COL12A1: variants seen among roughly 807,000 people sequenced by gnomAD.
The protein encoded by COL12A1 is collagen type XII alpha 1 chain, also known as collagen alpha-1(XII) chain.
Under a neutral mutation model 349.7 loss-of-function variants are expected in COL12A1, and 114 were observed. That is an observed-to-expected ratio of 0.33 (90% CI 0.28 to 0.38). COL12A1 has a LOEUF of 0.38. COL12A1 is among the 10% of genes least tolerant of loss of function. The pLI is 1.00. For synonymous variants in COL12A1, 1,369 were observed against 1,329.0 expected (o/e 1.03, Z -0.66); for missense variants, 3,284 against 3,756.9 (o/e 0.87, Z 3.29).
chr6:75,143,308 C>T lies in COL12A1; in HGVS notation c.4771G>A (p.Gly1591Arg). 6.2e-7 allele frequency: 1 copy of T among 1,613,852 alleles called. No individual in the cohort carries two copies. Among genetic ancestry groups the T allele is most frequent in the Admixed American group, 1.7e-5 (1 of 59,988 alleles). The change falls in exon 26 of 66, where the codon GGA (glycine) becomes AGA (arginine). Residue 1591 changes from glycine to arginine, a missense_variant. Physicochemically the swap from Gly to Arg is moderately radical, Grantham distance 125 (BLOSUM62 -2). Coordinates refer to ENST00000322507, the MANE Select transcript of COL12A1 (RefSeq NM_004370.6). ...TMNVFWEPVP[G>R]KVRKYIVRYK... Reference sequence around the variant, plus strand: ...CGAACAATATATTTACGCACTTTTCCAGGCACAGGTTCCCAAAAGACATTC... The same window carrying T: ...CGAACAATATATTTACGCACTTTTCTAGGCACAGGTTCCCAAAAGACATTC...
intron 53 of COL12A1, among the ~76,000 whole-genome samples, chr6:75,105,940 T>A (rs1184313365): frequency 6.6e-6 from 1 of 152,208 alleles, no homozygotes; most frequent in Non-Finnish European, 1.5e-5. Context: ...TGGATGTATG[T>A]GGGTCTTTGC....
At chr6:75,086,581 T>C (rs1562081657) in intron 65 of COL12A1, 24 bp from the exon 66 acceptor site, 4 of 1,590,612 alleles carry the variant, frequency 2.5e-6, no homozygotes, top group Non-Finnish European at 2.6e-6. Context: ...AAGATGATAG[T>C]TTTTAAAAGT....
In COL12A1 at chr6:75,181,094, G is replaced by C. The variant is rs774882851; in HGVS notation, c.2009C>G (p.Ala670Gly). The change falls in exon 11 of 66, where the codon GCT becomes GGT. Residue 670 changes from alanine (A) to glycine (G), a missense_variant. By Grantham distance (60) the Ala-to-Gly change is moderately conservative (BLOSUM62 0). This residue lies in a region of COL12A1 where 2,601 missense variants were observed against 2,824.8 expected (regional missense o/e 0.92). Transcript: ENST00000322507. ...FSYHITYKEA[A>G]GDDEVTVVEP... is the part of the protein sequence containing the mutation. ...CACCACAGTGACCTCATCATCCCCA[G>C]CCGCTTCCTTGTAGGTGATGTGATA... 14 of 1,613,744 alleles carry C rather than the reference G, an allele frequency of 8.7e-6. No individual in the cohort carries two copies. The African/African-American group carries it at 1.3e-4, about 15-fold the overall frequency.
chr6:75,153,998 A>G (rs1169245943), intron 17 of COL12A1, among the ~76,000 whole-genome samples: 1 of 152,062 alleles, frequency 6.6e-6, no homozygotes, highest in Non-Finnish European at 1.5e-5. Flanking sequence ...AACTCTTTAA[A>G]TAATAGAGCT....
Position 75,091,699 on chromosome 6 carries a change from ATCTCTCTCTCTCTCTCTCTT to A in COL12A1, c.8650-194_8650-175del, listed in dbSNP as rs1242868873. Among the ~76,000 whole-genome samples, 4 of 149,750 alleles carry A rather than the reference ATCTCTCTCTCTCTCTCTCTT, an allele frequency of 2.7e-5. No individual in the cohort carries two copies. In the South Asian group the frequency reaches 8.5e-4, roughly 32 times the overall value. On this transcript the variant is annotated intron_variant, in intron 60 of 65. Transcript: ENST00000322507. ...CTGCTTTTCTATAAAAAGGAATCTA[ATCTCTCTCTCTCTCTCTCTT>A]TCTCTCTCTCTCTCTGAAGCACATG...
chr6:75,189,145 C>CT, intron 7 of COL12A1, 72 bp downstream of exon 7: 1 of 1,481,136 alleles, frequency 6.8e-7, no homozygotes, highest in Middle Eastern at 1.8e-4. Flanking sequence ...AGGAATCAAT[C>CT]TTTCATCTTC....
chr6:75,169,041 G>T (rs774073776), intron 13 of COL12A1, among the ~76,000 whole-genome samples: 12 of 152,124 alleles, frequency 7.9e-5, no homozygotes, highest in Non-Finnish European at 1.6e-4. Flanking sequence ...GACACATGTG[G>T]GATGTTCACT....
chr6:75,167,481 G>A (rs1199352420), intron 13 of COL12A1, among the ~76,000 whole-genome samples: 1 of 152,168 alleles, frequency 6.6e-6, no homozygotes, highest in Non-Finnish European at 1.5e-5. Context: ...TAACTAGAAT[G>A]TGGAAATTAT....
At chr6:75,202,541 T>C (rs1027701529) in intron 2 of COL12A1, among the ~76,000 whole-genome samples, 179 bp downstream of exon 2, 2 of 152,158 alleles carry the variant, frequency 1.3e-5, no homozygotes, top group African/African-American at 4.8e-5. Context: ...GAGCTGGACC[T>C]GAGAGCTGGG....
chr6:75,091,257 A>G (rs532425473), intron 62 of COL12A1, 66 bp downstream of exon 62: 4 of 1,370,382 alleles, frequency 2.9e-6, no homozygotes, highest in African/African-American at 2.9e-5. Context: ...TTCATGACTC[A>G]AACTCTGCAT....
intron 2 of COL12A1, among the ~76,000 whole-genome samples, chr6:75,202,505 C>T (rs1298599666): frequency 6.6e-6 from 1 of 152,074 alleles, no homozygotes; most frequent in Non-Finnish European, 1.5e-5. Context: ...CAGCACTGTA[C>T]GGAATGCATT....
rs1769747613 is a variant in COL12A1 at position 75,188,457 on chromosome 6, T to C, written c.902A>G (p.Asn301Ser). 3.1e-6 allele frequency: 5 copies of C among 1,613,616 alleles called. No individual in the cohort carries two copies. Among genetic ancestry groups the C allele is most frequent in the Non-Finnish European group, 4.2e-6 (5 of 1,179,666 alleles). The change falls in exon 8 of 66, where the codon AAC becomes AGC. Residue 301 changes from asparagine to serine, a missense_variant. Around this residue, in one of 2 missense-constraint regions of COL12A1, gnomAD observed 2,601 missense variants for 2,824.8 expected, o/e 0.92. Transcript: ENST00000322507. ...CTGAATATCCACAATTGCATCAAAG[T>C]TGGCCACATTGAAAACATGGTTCAG... ...PSLNHVFNVA[N>S]FDAIVDIQNE...
Position 75,154,518 on chromosome 6 carries a change from C to A in COL12A1, c.3463G>T (p.Val1155Leu). ...CCATCAAACATTCCAAAAACATTTACTTTATAGGTGGTACCAGCCCTAAAA... is the reference window on the plus strand; with the variant it reads ...CCATCAAACATTCCAAAAACATTTAATTTATAGGTGGTACCAGCCCTAAAA... ...EELRAGTTYK[V>L]NVFGMFDGGE... Residue 1155 changes from valine (V) to leucine (L), a missense_variant, in exon 17 of 66, where the codon GTA becomes TTA. By Grantham distance (32) the Val-to-Leu change is conservative. Transcript: ENST00000322507. 6.2e-7 allele frequency: 1 copy of A among 1,609,674 alleles called. No homozygotes were observed. Among genetic ancestry groups the A allele is most frequent in the Non-Finnish European group, 8.5e-7 (1 of 1,177,222 alleles).
chr6:75,148,145 AC>A (rs2149410021), intron 22 of COL12A1, among the ~76,000 whole-genome samples: 1 of 152,294 alleles, frequency 6.6e-6, no homozygotes, highest in African/African-American at 2.4e-5. Context: ...ATTCTTAGAA[AC>A]CGTAAGAATT....
At chr6:75,168,461 G>T (rs1261613078) in intron 13 of COL12A1, among the ~76,000 whole-genome samples, 1 of 152,156 alleles carries the variant, frequency 6.6e-6, no homozygotes, top group East Asian at 1.9e-4. Flanking sequence ...TTGGGGCCAG[G>T]TATGCAACCA....
chr6:75,194,820 T>C lies in COL12A1; in HGVS notation c.190+11A>G, dbSNP rs1364667700. On this transcript the variant is annotated intron_variant, in intron 3 of 65. Transcript: ENST00000322507. ...ATGCTTCTGTCCTAAAACCCCAGTC[T>C]CAAAACTTACCCGTTGTAGGGTCCA... The C allele has an allele frequency of 6.4e-7, 1 of 1,568,818 alleles. No individual in the cohort carries two copies. The highest frequency in any genetic ancestry group is 1.4e-5 in the African/African-American group (1 of 73,622).
intron 53 of COL12A1, among the ~76,000 whole-genome samples, chr6:75,105,650 T>C (rs1267261065): frequency 6.6e-6 from 1 of 152,212 alleles, no homozygotes; most frequent in Admixed American, 6.5e-5. Flanking sequence ...CACATTGTTT[T>C]GTCCTTCACT....
rs1293960049 is a variant in COL12A1, at chr6:75,183,373, A to G, written c.1568T>C (p.Met523Thr). ...AAATATTTTCTCTCTGACATAAGTC[A>G]TTGCTTTGCCAGTATTTGTAGATCC... ...RGGSTNTGKAMTYVREKIFVP... is the reference protein window; with the variant it reads ...RGGSTNTGKATTYVREKIFVP... Residue 523 changes from methionine (M) to threonine (T), a missense_variant, in exon 10 of 66, where the codon ATG becomes ACG. Physicochemically the swap from Met to Thr is moderately conservative, Grantham distance 81 (BLOSUM62 -1). Coordinates refer to ENST00000322507, the MANE Select transcript of COL12A1 (RefSeq NM_004370.6). 6.2e-7 allele frequency: 1 copy of G among 1,614,218 alleles called. No homozygotes were observed. Among genetic ancestry groups the G allele is most frequent in the Admixed American group, 1.7e-5 (1 of 60,016 alleles).
At chr6:75,139,741 A>G (rs1187611487) in intron 27 of COL12A1, among the ~76,000 whole-genome samples, 1 of 152,226 alleles carries the variant, frequency 6.6e-6, no homozygotes, top group African/African-American at 2.4e-5. Context: ...TATGAAGCAG[A>G]ACATGCTGAC....
Sources: gnomAD v4.1 joint callset for allele counts (sites outside exome capture counted in the v4.1 genomes callset) on GRCh38, gnomAD v4.1.1 for gene constraint, gnomAD v4.1.1 regional missense constraint, MANE v1.5 for transcripts, NCBI Gene and HGNC (gene_info 2026-07-23, HGNC 2026-07-21) for gene names.